Variants in CNOT10 observed in about 807,000 individuals in gnomAD.
CNOT10 encodes the protein CCR4-NOT transcription complex, subunit 10.
Under a neutral mutation model 94.6 loss-of-function variants are expected in CNOT10, and 30 were observed. The observed-to-expected ratio is 0.32, with a 90% confidence interval of 0.24 to 0.43. The LOEUF is 0.43. Ranked by LOEUF, CNOT10 falls within the 20% of genes least tolerant of loss-of-function variation. The pLI, the probability that CNOT10 is intolerant of heterozygous loss-of-function variation, is 1.00. For synonymous variants in CNOT10, 289 were observed against 301.6 expected (o/e 0.96, Z 0.43); for missense variants, 759 against 877.2 (o/e 0.87, Z 1.70).
intron 4 of CNOT10, among the ~76,000 whole-genome samples, chr3:32,712,292 T>C (rs1307819148): frequency 1.3e-5 from 2 of 152,164 alleles, no homozygotes; most frequent in African/African-American, 4.8e-5. Flanking sequence ...AGGTAAAATA[T>C]TCTCCTCATT....
At chr3:32,718,652 A>G (rs1037406070) in intron 7 of CNOT10, among the ~76,000 whole-genome samples, 6 of 151,996 alleles carry the variant, frequency 3.9e-5, no homozygotes, top group Admixed American at 2.6e-4. Flanking sequence ...AGGAAAGACA[A>G]TTGAAAATTA....
Position 32,773,500 on chromosome 3 carries a change from G to A in CNOT10, c.2124G>A (p.Leu708=), listed in dbSNP as rs745959665. 1.2e-6 allele frequency: 2 copies of A among 1,614,020 alleles called. No individual in the cohort carries two copies. The highest frequency in any genetic ancestry group is 3.3e-5 in the Admixed American group (2 of 59,964). Residue 708 remains leucine, a synonymous_variant, in exon 19 of 19, where the codon CTG becomes CTA. Coordinates refer to ENST00000328834, the MANE Select transcript of CNOT10 (RefSeq NM_015442.3). ...LALQIIKRNQ[L]LPAVKTHSEV... ...TACAGATCATCAAAAGGAATCAGCT[G>A]CTCCCTGCAGTGAAAACACACTCTG...
rs995418885 is a variant in CNOT10 at position 32,773,492 on chromosome 3, A to C, written c.2116A>C (p.Asn706His). The change falls in exon 19 of 19, where the codon AAT (asparagine) becomes CAT (histidine). Residue 706 changes from asparagine to histidine, a missense_variant. Asn to His is a moderately conservative substitution (Grantham distance 68). Transcript: ENST00000328834. ...TQLALQIIKR[N>H]QLLPAVKTHS... ...GCTGGCCTTACAGATCATCAAAAGG[A>C]ATCAGCTGCTCCCTGCAGTGAAAAC... 9.9e-6 allele frequency: 16 copies of C among 1,613,664 alleles called. No homozygotes were observed. Among genetic ancestry groups the C allele is most frequent in the Non-Finnish European group, 1.3e-5 (15 of 1,179,918 alleles).
chr3:32,687,452 GTTT>G (rs56091219), intron 1 of CNOT10, among the ~76,000 whole-genome samples: 2 of 60,428 alleles, frequency 3.3e-5, no homozygotes, highest in African/African-American at 1.1e-4. Flanking sequence ...TTTTTTTTTT[GTTT>G]TTTTTTTTTT....
Position 32,685,360 on chromosome 3 carries a change from A to T in CNOT10, c.-101A>T. ...GAACCTGGGGGCCCGGAGCCGGGGT[A>T]GGCACAGAGTTGTCCTCGGAGGTCC... On this transcript the variant is annotated 5_prime_UTR_variant, in exon 1 of 19. Transcript: ENST00000328834. 1 of 1,387,234 alleles carries T rather than the reference A, an allele frequency of 7.2e-7. No individual in the cohort carries two copies. The highest frequency in any genetic ancestry group is 1.0e-6 in the Non-Finnish European group (1 of 1,001,652). The allele number at this position is 1,387,234 out of a possible 1,614,324, so 85.9% of individuals were successfully genotyped here. A position where few individuals can be genotyped will look rare whatever the true frequency, so the allele number is the denominator to read the frequency against.
intron 10 of CNOT10, among the ~76,000 whole-genome samples, chr3:32,730,178 C>T (rs1217985867): frequency 6.6e-6 from 1 of 151,940 alleles, no homozygotes; most frequent in African/African-American, 2.4e-5. Context: ...TACTGGAAAC[C>T]AGGGAGTTAC....
intron 14 of CNOT10, among the ~76,000 whole-genome samples, chr3:32,759,964 C>T (rs376940043): frequency 4.8e-4 from 73 of 151,264 alleles, no homozygotes; most frequent in Admixed American, 4.4e-3. Context: ...AGGCAAATCA[C>T]GAGGTCAGGA....
chr3:32,747,824 T>C (rs1034534390), intron 13 of CNOT10, among the ~76,000 whole-genome samples: 3 of 152,114 alleles, frequency 2.0e-5, no homozygotes, highest in East Asian at 1.9e-4. Context: ...GGCGCGCCCA[T>C]GTAGTCCCAG....
At chr3:32,759,118 C>CTA (rs1305440844) in intron 13 of CNOT10, among the ~76,000 whole-genome samples, 3 of 108,298 alleles carry the variant, frequency 2.8e-5, no homozygotes, top group Non-Finnish European at 3.8e-5. Flanking sequence ...TCTCATTAGG[C>CTA]TATATATATA....
Position 32,720,121 on chromosome 3 carries a change from C to T in CNOT10, c.752C>T (p.Pro251Leu), listed in dbSNP as rs755586827. 12 of 1,506,676 alleles carry T rather than the reference C, an allele frequency of 8.0e-6. No homozygotes were observed. In the African/African-American group the frequency reaches 1.5e-4, roughly 19 times the overall value. The allele number at this position is 1,506,676 out of a possible 1,614,324, so 93.3% of individuals were successfully genotyped here. The change falls in exon 8 of 19, where the codon CCC becomes CTC. Residue 251 changes from proline (P) to leucine (L), a missense_variant. Coordinates refer to ENST00000328834, the MANE Select transcript of CNOT10 (RefSeq NM_015442.3). The stretch of plus-strand genomic sequence containing the variant: ...TTTATATTTTCTCTACAGTCCGCAC[C>T]CTCTCTCTTTCTTAAAAGCAATTTT... ...SVMNTAGNSA[P>L]SLFLKSNFEY... is the part of the protein sequence containing the mutation.
chr3:32,721,083 A>G (rs1575238280), intron 8 of CNOT10, among the ~76,000 whole-genome samples: 1 of 93,640 alleles, frequency 1.1e-5, no homozygotes, highest in African/African-American at 3.8e-5. Flanking sequence ...TTTTTTTGAC[A>G]GAGTCTTGCT....
intron 13 of CNOT10, among the ~76,000 whole-genome samples, chr3:32,744,201 C>CACTG (rs1699599269): frequency 6.6e-6 from 1 of 152,156 alleles, no homozygotes; most frequent in African/African-American, 2.4e-5. Context: ...GGAGCCTGAG[C>CACTG]ACTGTGTTTT....
chr3:32,761,871 C>G (rs1412676890), intron 14 of CNOT10, among the ~76,000 whole-genome samples: 3 of 151,096 alleles, frequency 2.0e-5, no homozygotes, highest in Non-Finnish European at 4.4e-5. Context: ...CTCCCGGGTT[C>G]AAGCGATTCT....
intron 1 of CNOT10, among the ~76,000 whole-genome samples, chr3:32,698,961 T>C (rs1697206799): frequency 6.6e-6 from 1 of 152,148 alleles, no homozygotes; most frequent in Admixed American, 6.6e-5. Flanking sequence ...AATTTTTGTA[T>C]TTTTTGTAGA....
intron 4 of CNOT10, among the ~76,000 whole-genome samples, chr3:32,710,070 C>G (rs1697810141): frequency 6.6e-6 from 1 of 150,986 alleles, no homozygotes; most frequent in Middle Eastern, 3.4e-3. Flanking sequence ...TCACTTGAAC[C>G]CGAGAGGCCG....
chr3:32,698,580 G>A (rs1697185967), intron 1 of CNOT10, among the ~76,000 whole-genome samples: 1 of 152,122 alleles, frequency 6.6e-6, no homozygotes, highest in Non-Finnish European at 1.5e-5. Flanking sequence ...AAAGGAAAGT[G>A]GGGAAGGGAG....
intron 18 of CNOT10, among the ~76,000 whole-genome samples, chr3:32,772,605 G>A (rs1329214463): frequency 1.3e-5 from 2 of 152,160 alleles, no homozygotes; most frequent in African/African-American, 2.4e-5. Flanking sequence ...GCTGAGGCAG[G>A]AGAATTGCTT....
intron 18 of CNOT10, among the ~76,000 whole-genome samples, chr3:32,771,428 C>T (rs1017460918): frequency 4.6e-5 from 7 of 152,074 alleles, no homozygotes; most frequent in African/African-American, 1.7e-4. Flanking sequence ...TGGTAAAACC[C>T]CATCTTTACT....
intron 17 of CNOT10, 112 bp downstream of exon 17, chr3:32,764,921 A>G: frequency 1.3e-6 from 2 of 1,526,808 alleles, no homozygotes; most frequent in East Asian, 2.3e-5. Flanking sequence ...AAATATTGGA[A>G]TATCACTTTC....
Sources: gnomAD v4.1 joint callset for allele counts (sites outside exome capture counted in the v4.1 genomes callset) on GRCh38, gnomAD v4.1.1 for gene constraint, MANE v1.5 for transcripts, NCBI Gene and HGNC (gene_info 2026-07-23, HGNC 2026-07-21) for gene names.